Variants in NDUFV2 observed in about 807,000 individuals in gnomAD.
NDUFV2 encodes the protein NADH dehydrogenase [ubiquinone] flavoprotein 2, mitochondrial.
In NDUFV2, 18 loss-of-function variants were observed where a neutral mutation model predicts 31.6. The ratio of observed to expected loss-of-function variants is 0.57; its 90% CI spans 0.39 to 0.84. NDUFV2 has a LOEUF of 0.84. Ranked by LOEUF, NDUFV2 falls within the 40% of genes least tolerant of loss-of-function variation. NDUFV2 has a pLI of 0.00. For synonymous variants in NDUFV2, 83 were observed against 99.8 expected, an observed-to-expected ratio of 0.83 and a Z score of 1.01; for missense variants, 314 against 303.6, an observed-to-expected ratio of 1.03 and a Z score of -0.26.
At chr18:9,117,103 C>A (rs1185894134) in intron 1 of NDUFV2, among the ~76,000 whole-genome samples, 1 of 150,572 alleles carries the variant, frequency 6.6e-6, no homozygotes, top group African/African-American at 2.5e-5. Flanking sequence ...GTGGCGCGAT[C>A]TCGGCTCACT....
At chr18:9,126,741 C>T in intron 6 of NDUFV2, 90 bp from the exon 7 acceptor site, 1 of 1,189,648 alleles carries the variant, frequency 8.4e-7, no homozygotes, top group Non-Finnish European at 1.2e-6. Context: ...TGGAGACCAG[C>T]CTGGGCAACA....
intron 7 of NDUFV2, among the ~76,000 whole-genome samples, chr18:9,127,437 TTAAAC>T (rs1234432612): frequency 1.3e-5 from 2 of 152,192 alleles, no homozygotes; most frequent in East Asian, 1.9e-4. Context: ...AATGTGATGC[TTAAAC>T]TAATCATGGT....
At chr18:9,132,707 T>A (rs1337628043) in intron 7 of NDUFV2, among the ~76,000 whole-genome samples, 1 of 152,076 alleles carries the variant, frequency 6.6e-6, no homozygotes, top group Non-Finnish European at 1.5e-5. Flanking sequence ...AGGTCTTGTC[T>A]CTACGAAAAA....
chr18:9,107,848 GT>G (rs2077849444), intron 1 of NDUFV2, among the ~76,000 whole-genome samples: 1 of 152,136 alleles, frequency 6.6e-6, no homozygotes, highest in South Asian at 2.1e-4. Flanking sequence ...GGAGATGGAG[GT>G]TTAGGGGCTT....
intron 4 of NDUFV2, chr18:9,121,228 C>T (rs777767199): frequency 6.6e-6 from 1 of 152,096 alleles, no homozygotes; most frequent in African/African-American, 2.4e-5. Context: ...GCCCCTCCCC[C>T]CAACCCATGA....
chr18:9,132,117 GTAATTT>G (rs1271831086), intron 7 of NDUFV2: 2 of 152,134 alleles, frequency 1.3e-5, no homozygotes, highest in African/African-American at 4.8e-5. Flanking sequence ...CCATGGGATT[GTAATTT>G]TATGGAACAA....
chr18:9,113,243 TC>T (rs1438301121), intron 1 of NDUFV2, among the ~76,000 whole-genome samples: 2 of 152,202 alleles, frequency 1.3e-5, no homozygotes, highest in Non-Finnish European at 2.9e-5. Flanking sequence ...TAAATTTTCT[TC>T]CCACTCCAGA....
rs555718964 is a variant in NDUFV2, at chr18:9,111,749, T to C, written c.55-6089T>C. On this transcript the variant is annotated intron_variant, in intron 1 of 7. Coordinates refer to ENST00000318388, the MANE Select transcript of NDUFV2 (RefSeq NM_021074.5). The stretch of plus-strand genomic sequence containing the variant: ...CGGCCTGAAGTACATCTTTTAATGC[T>C]CTCAAGAACCCTATGAAGTACATGC... Among the ~76,000 whole-genome samples the C allele has an allele frequency of 1.4e-4, 22 of 152,000 alleles. No individual in the cohort carries two copies. In the South Asian group the frequency reaches 4.6e-3, roughly 32 times the overall value.
chr18:9,119,848 G>A (rs574917310), intron 4 of NDUFV2, among the ~76,000 whole-genome samples: 1 of 151,936 alleles, frequency 6.6e-6, no homozygotes, highest in South Asian at 2.1e-4. Context: ...CCTTTTGAAG[G>A]AAATGGTCAA....
At chr18:9,129,007 G>A (rs376511503) in intron 7 of NDUFV2, among the ~76,000 whole-genome samples, 1 of 151,992 alleles carries the variant, frequency 6.6e-6, no homozygotes, top group African/African-American at 2.4e-5. Flanking sequence ...GTGTGATCTC[G>A]ACTCACTGCA....
At chr18:9,119,984 A>G (rs1276627218) in intron 4 of NDUFV2, among the ~76,000 whole-genome samples, 1 of 152,200 alleles carries the variant, frequency 6.6e-6, no homozygotes, top group African/African-American at 2.4e-5. Context: ...AATATTTTAC[A>G]TCTTTGGCTG....
At chr18:9,114,216 T>C (rs1195306456) in intron 1 of NDUFV2, among the ~76,000 whole-genome samples, 2 of 152,212 alleles carry the variant, frequency 1.3e-5, no homozygotes, top group Non-Finnish European at 2.9e-5. Flanking sequence ...AAGAGAAATT[T>C]ATGAATTAAT....
chr18:9,111,935 T>G (rs941838672), intron 1 of NDUFV2, among the ~76,000 whole-genome samples: 1 of 151,668 alleles, frequency 6.6e-6, no homozygotes, highest in Non-Finnish European at 1.5e-5. Context: ...ATGTGTTTAT[T>G]AGAAATGATG....
chr18:9,113,887 C>T (rs1017645804), intron 1 of NDUFV2, among the ~76,000 whole-genome samples: 9 of 152,256 alleles, frequency 5.9e-5, no homozygotes, highest in Middle Eastern at 3.4e-3. Flanking sequence ...CCGAAGCTCC[C>T]GGCTGAATAA....
intron 4 of NDUFV2, among the ~76,000 whole-genome samples, chr18:9,120,532 G>A (rs1434470875): frequency 6.6e-6 from 1 of 152,072 alleles, no homozygotes; most frequent in Non-Finnish European, 1.5e-5. Context: ...ACTTAATTTG[G>A]TTATAACTCT....
chr18:9,124,297 A>T (rs2077967434), intron 5 of NDUFV2, among the ~76,000 whole-genome samples: 1 of 150,976 alleles, frequency 6.6e-6, no homozygotes, highest in African/African-American at 2.4e-5. Flanking sequence ...AAAATTTTTA[A>T]TTTTTTTGTA....
intron 5 of NDUFV2, among the ~76,000 whole-genome samples, chr18:9,124,184 T>G (rs536081324): frequency 7.5e-4 from 91 of 122,118 alleles, no homozygotes; most frequent in African/African-American, 2.4e-3. Context: ...TTACATAGAG[T>G]TTTTTTTTTG....
intron 7 of NDUFV2, among the ~76,000 whole-genome samples, chr18:9,128,815 TA>T (rs1248196630): frequency 6.6e-6 from 1 of 152,236 alleles, no homozygotes; most frequent in Admixed American, 6.5e-5. Context: ...TTGGGTACTC[TA>T]AAGAATATCT....
At chr18:9,113,672 C>T (rs920549020) in intron 1 of NDUFV2, among the ~76,000 whole-genome samples, 1 of 152,246 alleles carries the variant, frequency 6.6e-6, no homozygotes, top group Non-Finnish European at 1.5e-5. Context: ...TAAAGATCAA[C>T]CCCTGACCTA....
Sources: allele counts gnomAD v4.1 joint callset (sites outside exome capture counted in the v4.1 genomes callset), GRCh38; gene constraint gnomAD v4.1.1; transcripts MANE v1.5; gene names NCBI Gene and HGNC (gene_info 2026-07-23, HGNC 2026-07-21).